CBLN2: variants seen among roughly 807,000 people sequenced by gnomAD.
CBLN2 encodes the protein cerebellin-2.
A neutral mutation model predicts 15.0 loss-of-function variants in CBLN2; 7 were observed. That is an observed-to-expected ratio of 0.47 (90% confidence interval 0.27 to 0.88). CBLN2 has a LOEUF of 0.88. Ranked by LOEUF, CBLN2 falls within the 40% of genes least tolerant of loss-of-function variation. The pLI, the probability that CBLN2 is intolerant of heterozygous loss-of-function variation, is 0.14. For missense variants in CBLN2, 242 were observed against 304.5 expected, an observed-to-expected ratio of 0.79 and a Z score of 1.53; for synonymous variants, 149 against 135.2, an observed-to-expected ratio of 1.10 and a Z score of -0.71.
chr18:72,586,636 C>G (rs978667447), intron 1 of CBLN2, among the ~76,000 whole-genome samples: 1 of 152,148 alleles, frequency 6.6e-6, no homozygotes, highest in African/African-American at 2.4e-5. Context: ...TTTATTGATT[C>G]GTTCAGTACT....
chr18:72,602,496 C>T (rs902336937), intron 1 of CBLN2, among the ~76,000 whole-genome samples: 7 of 152,148 alleles, frequency 4.6e-5, no homozygotes, highest in Non-Finnish European at 1.0e-4. Flanking sequence ...TCATCCCCAA[C>T]TCACCCCTGC....
intron 1 of CBLN2, among the ~76,000 whole-genome samples, chr18:72,557,193 G>C (rs1388710553): frequency 6.6e-6 from 1 of 151,680 alleles, no homozygotes; most frequent in Non-Finnish European, 1.5e-5. Flanking sequence ...TTAAATCTTT[G>C]ATTTTCTCAT....
At chr18:72,618,971 G>C in intron 1 of CBLN2, 1 of 755,456 alleles carries the variant, frequency 1.3e-6, no homozygotes. Context: ...GGTGATGGTG[G>C]ATATGGTGGC....
intron 1 of CBLN2, among the ~76,000 whole-genome samples, chr18:72,553,994 G>A (rs2069208144): frequency 6.6e-6 from 1 of 152,120 alleles, no homozygotes; most frequent in African/African-American, 2.4e-5. Flanking sequence ...TACATGAAGT[G>A]CATATTTCCA....
chr18:72,553,335 T>C (rs1004738452), intron 1 of CBLN2, among the ~76,000 whole-genome samples: 1 of 152,118 alleles, frequency 6.6e-6, no homozygotes, highest in Non-Finnish European at 1.5e-5. Context: ...TTGTCCAACA[T>C]GTCAATGAGG....
intron 1 of CBLN2, among the ~76,000 whole-genome samples, chr18:72,627,570 T>A (rs1357105740): frequency 2.0e-5 from 3 of 152,194 alleles, no homozygotes; most frequent in Non-Finnish European, 4.4e-5. Context: ...CTTCACCAAA[T>A]CCCAGTAATT....
intron 1 of CBLN2, among the ~76,000 whole-genome samples, chr18:72,617,901 T>TAA (rs1159866452): frequency 6.6e-6 from 1 of 151,998 alleles, no homozygotes; most frequent in Non-Finnish European, 1.5e-5. Flanking sequence ...GTAATTATGT[T>TAA]GTAAAATAAA....
intron 1 of CBLN2, among the ~76,000 whole-genome samples, chr18:72,568,395 T>C (rs1223375527): frequency 6.6e-6 from 1 of 152,180 alleles, no homozygotes; most frequent in Non-Finnish European, 1.5e-5. Context: ...ATCTCTCAAC[T>C]GTGCTTGCTG....
chr18:72,581,667 A>T (rs2069405853), intron 1 of CBLN2, among the ~76,000 whole-genome samples: 1 of 152,190 alleles, frequency 6.6e-6, no homozygotes, highest in Admixed American at 6.5e-5. Flanking sequence ...TGTGTTGCGA[A>T]TAACATCTTT....
upstream of CBLN2, among the ~76,000 whole-genome samples, chr18:72,548,282 A>C (rs967106871): frequency 6.6e-6 from 1 of 152,242 alleles, no homozygotes; most frequent in Admixed American, 6.5e-5. Flanking sequence ...AGTCAGAAGA[A>C]ATGTAACTCA....
chr18:72,624,726 G>T (rs1020523965), intron 1 of CBLN2, among the ~76,000 whole-genome samples: 15 of 152,094 alleles, frequency 9.9e-5, no homozygotes, highest in South Asian at 2.1e-4. Flanking sequence ...GCTTAATTTT[G>T]CTGAGATAGC....
intron 1 of CBLN2, among the ~76,000 whole-genome samples, chr18:72,589,204 A>G (rs929353254): frequency 2.6e-5 from 4 of 152,170 alleles, no homozygotes; most frequent in Non-Finnish European, 5.9e-5. Context: ...TTAAGTAATA[A>G]TTGGGGAGTA....
At chr18:72,566,758 T>C (rs2069297947) in intron 1 of CBLN2, among the ~76,000 whole-genome samples, 1 of 152,218 alleles carries the variant, frequency 6.6e-6, no homozygotes, top group Admixed American at 6.5e-5. Flanking sequence ...TTAACAATGA[T>C]GTATAATTCA....
chr18:72,636,430 G>A (rs2069813047), intron 1 of CBLN2, among the ~76,000 whole-genome samples: 1 of 152,158 alleles, frequency 6.6e-6, no homozygotes, highest in South Asian at 2.1e-4. Flanking sequence ...CTTTATGGCA[G>A]AGTGGTTTGG....
upstream of CBLN2, among the ~76,000 whole-genome samples, chr18:72,548,761 C>A (rs2069173896): frequency 6.6e-6 from 1 of 152,180 alleles, no homozygotes; most frequent in Admixed American, 6.5e-5. Flanking sequence ...GTGCACGCAG[C>A]ATCTGTTTTC....
At chr18:72,615,522 C>T (rs575154765) in intron 1 of CBLN2, among the ~76,000 whole-genome samples, 1 of 152,038 alleles carries the variant, frequency 6.6e-6, no homozygotes, top group Non-Finnish European at 1.5e-5. Flanking sequence ...TGTGATCCGC[C>T]TGCCTTGGCT....
rs1475070649 is a variant in CBLN2, at chr18:72,543,739, C to T, written c.-211-209G>A. ...ACCCCGCGTCTCGCCCGGCTCAGCG[C>T]CCCGCGCTGTGCGCCCAGGTGCCTC... On this transcript the variant is annotated intron_variant, in intron 1 of 4. Transcript: ENST00000269503. This position sits in a 1 kb window ranked among gnomAD's most constrained non-coding sequence, Gnocchi z 6.8. 2.0e-5 allele frequency among the ~76,000 whole-genome samples: 3 copies of T among 151,946 alleles called. No homozygotes were observed. The East Asian group carries it at 5.8e-4, about 30-fold the overall frequency.
intron 1 of CBLN2, among the ~76,000 whole-genome samples, chr18:72,637,985 A>C (rs1261754323): frequency 6.6e-6 from 1 of 152,228 alleles, no homozygotes; most frequent in East Asian, 1.9e-4. Context: ...GTGAACACCA[A>C]GGAAGTGAGC....
chr18:72,615,036 C>T (rs6566642), intron 1 of CBLN2, among the ~76,000 whole-genome samples: 12,316 of 135,964 alleles, frequency 0.091, 757 homozygotes, highest in African/African-American at 0.14. Flanking sequence ...AGATCAAGTA[C>T]ATATATATAT....
Sources: allele counts gnomAD v4.1 joint callset (sites outside exome capture counted in the v4.1 genomes callset), GRCh38; gene constraint gnomAD v4.1.1; non-coding constraint Gnocchi (gnomAD v3.1); transcripts MANE v1.5; gene names NCBI Gene and HGNC (gene_info 2026-07-23, HGNC 2026-07-21).